The following SRRT variants were observed in gnomAD, a reference collection of about 807,000 sequenced individuals.
The protein encoded by SRRT is serrate RNA effector molecule homolog.
Under a neutral mutation model 103.2 loss-of-function variants are expected in SRRT, and 32 were observed. The ratio of observed to expected loss-of-function variants is 0.31; its 90% CI spans 0.23 to 0.42. The LOEUF (loss-of-function observed/expected upper bound fraction) is 0.42, where lower values mean the gene tolerates loss of function less well. SRRT is among the 10% of genes least tolerant of loss of function. SRRT has a pLI of 1.00. For synonymous variants in SRRT, 525 were observed against 449.0 expected (o/e 1.17, Z -2.14); for missense variants, 986 against 1,207.5 (o/e 0.82, Z 2.72).
At position 100,887,244 on chromosome 7, in the gene SRRT, G is replaced by A; in HGVS notation, c.1975+44G>A. On this transcript the variant is annotated intron_variant, in intron 15 of 19. Coordinates refer to ENST00000611405, the MANE Select transcript of SRRT (RefSeq NM_015908.6). This position sits in a 1 kb window ranked among gnomAD's most constrained non-coding sequence, Gnocchi z 4.1. ...TTTGTTCCCGGCTGCCCCTGGCCTT[G>A]GTCCTCCAGCCCCTTGCCACCATCC... 1 of 1,612,726 alleles carries A rather than the reference G, an allele frequency of 6.2e-7. No individual in the cohort carries two copies. Among genetic ancestry groups the A allele is most frequent in the South Asian group, 1.1e-5 (1 of 91,010 alleles).
At position 100,884,485 on chromosome 7, in the gene SRRT, G is replaced by A; in HGVS notation, c.875G>A (p.Gly292Glu). 6 of 1,613,916 alleles carry A rather than the reference G, an allele frequency of 3.7e-6. No homozygotes were observed. Among genetic ancestry groups the A allele is most frequent in the Non-Finnish European group, 5.1e-6 (6 of 1,179,954 alleles). Residue 292 changes from glycine (G) to glutamate (E), a missense_variant, in exon 7 of 20, where the codon GGA (glycine) becomes GAA (glutamate). Around this residue, in one of 6 missense-constraint regions of SRRT, gnomAD observed 166 missense variants for 148.6 expected, o/e 1.12. Coordinates refer to ENST00000611405, the MANE Select transcript of SRRT (RefSeq NM_015908.6). ...AGCAAGAAAGAAGAAGGACGGGCTG[G>A]AGCAGGCCTAGGGGACGGGGAGCGC... is the stretch of plus-strand genomic sequence containing the variant. ...EPSKKEEGRA[G>E]AGLGDGERKT...
rs746673735 is a variant in SRRT, at chr7:100,884,940, C to T, written c.1059C>T (p.Asn353=). The change falls in exon 9 of 20, where the codon AAC becomes AAT. Residue 353 remains asparagine, a synonymous_variant. Transcript: ENST00000611405. ...TCACACAGAGTAGCAAGAAGCGGAA[C>T]CGGAAGCACAGTGGTGACGACAGCT... The part of the protein sequence containing the change: ...KEAKKSSKKR[N]RKHSGDDSFD... The T allele has an allele frequency of 1.9e-6, 3 of 1,613,942 alleles. No homozygotes were observed. Among genetic ancestry groups the T allele is most frequent in the Admixed American group, 3.3e-5 (2 of 59,988 alleles).
chr7:100,876,053 A>T (rs1440628269), intron 2 of SRRT: 1 of 245,648 alleles, frequency 4.1e-6, no homozygotes, highest in Non-Finnish European at 8.4e-6. Flanking sequence ...ATGCAGTCGT[A>T]GCAGCCTCCA....
At chr7:100,877,189 G>T (rs572947689) in intron 2 of SRRT, among the ~76,000 whole-genome samples, 1 of 151,482 alleles carries the variant, frequency 6.6e-6, no homozygotes, top group East Asian at 2.0e-4. Flanking sequence ...TTGGGAGGCC[G>T]AGACGGGCAG....
At chr7:100,884,308 G>C (rs183733865) in intron 6 of SRRT, 60 bp from the exon 7 acceptor site, 514 of 1,613,188 alleles carry the variant, frequency 3.2e-4, no homozygotes, top group Admixed American at 5.0e-4. Flanking sequence ...GGATCAGGTA[G>C]AAGCCGGTTG....
In SRRT at chr7:100,875,305, T is replaced by TC; in HGVS notation, c.-40dup. ...GAAATCTAGCCCGTCCGAGCGCGAG[T>TC]CCAACGGCCGCGGCCGCACCAAGGT... is the stretch of plus-strand genomic sequence containing the variant. On this transcript the variant is annotated 5_prime_UTR_variant, in exon 1 of 20. Transcript: ENST00000611405. 1 of 1,077,886 alleles carries TC rather than the reference T, an allele frequency of 9.3e-7. No homozygotes were observed. The highest frequency in any genetic ancestry group is 1.2e-6 in the Non-Finnish European group (1 of 844,880). The allele number at this position is 1,077,886 out of a possible 1,614,324, so 66.8% of individuals were successfully genotyped here.
chr7:100,881,633 T>G (rs1422084030), intron 3 of SRRT, 26 bp from the exon 4 acceptor site: 2 of 1,613,722 alleles, frequency 1.2e-6, no homozygotes, highest in South Asian at 1.1e-5. Flanking sequence ...CCTTCTCTGC[T>G]TTACTTTTGT....
Position 100,886,835 on chromosome 7 carries a change from A to ACTAC in SRRT, c.1691_1694dup (p.Ile566ProfsTer22). 1 of 1,614,132 alleles carries ACTAC rather than the reference A, an allele frequency of 6.2e-7. No individual in the cohort carries two copies. Reference sequence around the variant, plus strand: ...AACCCGATCTTGAAGAATATCACCGACTACCTGATCGAGGAAGTAAGCGCC... The same window carrying ACTAC: ...AACCCGATCTTGAAGAATATCACCGACTACCTACCTGATCGAGGAAGTAAGCGCC... On this transcript the variant is annotated frameshift_variant, in exon 14 of 20. Coordinates refer to ENST00000611405, the MANE Select transcript of SRRT (RefSeq NM_015908.6). LOFTEE classifies it high-confidence loss of function.
chr7:100,878,390 C>G (rs192081291), intron 2 of SRRT, among the ~76,000 whole-genome samples: 10 of 151,972 alleles, frequency 6.6e-5, no homozygotes, highest in Non-Finnish European at 1.0e-4. Context: ...TAAAGACTTT[C>G]TTGGTGAGAT....
At chr7:100,880,818 C>T (rs1430744364) in intron 2 of SRRT, 4 of 316,684 alleles carry the variant, frequency 1.3e-5, no homozygotes, top group Non-Finnish European at 2.6e-5. Flanking sequence ...GGAGCACAGG[C>T]GGAAGGCCAG....
At position 100,885,971 on chromosome 7, in the gene SRRT, GAGGA is replaced by G. The variant is rs1563022570; in HGVS notation, c.1458+34_1458+37del. 3.7e-6 allele frequency: 6 copies of G among 1,609,510 alleles called. No individual in the cohort carries two copies. The highest frequency in any genetic ancestry group is 5.1e-6 in the Non-Finnish European group (6 of 1,176,570). Reference sequence around the variant, plus strand: ...GTGCTGGGGGTGGGACTGTGGGGAAGAGGAAGGGAGACTCTGTGCCACACGGGAC... The same window carrying G: ...GTGCTGGGGGTGGGACTGTGGGGAAGAGGGAGACTCTGTGCCACACGGGAC... On this transcript the variant is annotated intron_variant, in intron 12 of 19. Transcript: ENST00000611405. This position sits in a 1 kb window ranked among gnomAD's most constrained non-coding sequence, Gnocchi z 4.8.
rs1394664595 is a variant in SRRT, at chr7:100,884,004, C to T, written c.588-66C>T. Reference sequence around the variant, plus strand: ...GATATGCCCTGTCTTTCCTGGGCCCCTTCCCACATCCTGGCCTTGGCTTCC... The same window carrying T: ...GATATGCCCTGTCTTTCCTGGGCCCTTTCCCACATCCTGGCCTTGGCTTCC... On this transcript the variant is annotated intron_variant, in intron 5 of 19. Transcript: ENST00000611405. 6.0e-6 allele frequency: 9 copies of T among 1,511,634 alleles called. No homozygotes were observed. The East Asian group carries it at 1.1e-4, about 19-fold the overall frequency. 93.6% of individuals were successfully genotyped at this position (1,511,634 alleles called of 1,614,324 possible). A position where few individuals can be genotyped will look rare whatever the true frequency, so the allele number is the denominator to read the frequency against.
At position 100,875,650 on chromosome 7, in the gene SRRT, C is replaced by T. The variant is rs1815608868; in HGVS notation, c.60C>T (p.Arg20=). The change falls in exon 2 of 20, where the codon CGC becomes CGT. Residue 20 remains arginine (R), a synonymous_variant. Transcript: ENST00000611405. ...GCAGGGACAAGTTCAGAAGAGAGCG[C>T]AGCGACTACGACCGTTCCCGCGAGA... ...RRRRDKFRRE[R]SDYDRSRERD... The T allele has an allele frequency of 6.2e-7, 1 of 1,614,152 alleles. No homozygotes were observed. Among genetic ancestry groups the T allele is most frequent in the Non-Finnish European group, 8.5e-7 (1 of 1,179,998 alleles).
rs906064836 is a variant in SRRT, at chr7:100,887,762, G to A, written c.2229G>A (p.Val743=). Residue 743 remains valine (V), a synonymous_variant, in exon 17 of 20, where the codon GTG becomes GTA. Coordinates refer to ENST00000611405, the MANE Select transcript of SRRT (RefSeq NM_015908.6). The surrounding 1 kb of genome is among the most constrained non-coding windows in gnomAD (Gnocchi z 4.1). ...FNKHAEKIEE[V]KKEVAFFNNF... Reference sequence around the variant, plus strand: ...AGCATGCAGAGAAAATTGAGGAAGTGAAAAAGGAAGTCGCGTTTTTTAACA... The same window carrying A: ...AGCATGCAGAGAAAATTGAGGAAGTAAAAAAGGAAGTCGCGTTTTTTAACA... The A allele has an allele frequency of 3.7e-6, 6 of 1,613,494 alleles. No individual in the cohort carries two copies. In the African/African-American group the frequency reaches 5.3e-5, roughly 14 times the overall value.
chr7:100,882,470 C>T lies in SRRT; in HGVS notation c.587+229C>T. 2 of 483,558 alleles carry T rather than the reference C, an allele frequency of 4.1e-6. No individual in the cohort carries two copies. Among genetic ancestry groups the T allele is most frequent in the Non-Finnish European group, 7.4e-6 (2 of 271,094 alleles). The allele number at this position is 483,558 out of a possible 1,614,324, so 30.0% of individuals were successfully genotyped here. Reference sequence around the variant, plus strand: ...CTGCTGTCCTCAGAGAGTGGGACACCTCCAGGCAGCAGGCCAGAGCCACTT... The same window carrying T: ...CTGCTGTCCTCAGAGAGTGGGACACTTCCAGGCAGCAGGCCAGAGCCACTT... On this transcript the variant is annotated intron_variant, in intron 5 of 19. Transcript: ENST00000611405. The surrounding 1 kb of genome is among the most constrained non-coding windows in gnomAD (Gnocchi z 4.2).
chr7:100,885,370 C>T lies in SRRT; in HGVS notation c.1317C>T (p.Ser439=), dbSNP rs763003304. The stretch of plus-strand genomic sequence containing the variant: ...ACATCTCCCGGGCCGAGATCATCTC[C>T]GTGAGTGGGGACCCGTGGAGTCAGG... ...APNISRAEII[S]LCKRYPGFMR... is the part of the protein sequence containing the mutation. The change falls in exon 10 of 20, where the codon TCC becomes TCT. Residue 439 remains serine (S), a splice_region_variant and synonymous_variant. Transcript: ENST00000611405. This position sits in a 1 kb window ranked among gnomAD's most constrained non-coding sequence, Gnocchi z 4.8. 4.5e-5 allele frequency: 72 copies of T among 1,612,552 alleles called. No homozygotes were observed. The highest frequency in any genetic ancestry group is 1.7e-4 in the Admixed American group (10 of 59,928).
chr7:100,881,717 G>T lies in SRRT; in HGVS notation c.310G>T (p.Gly104Cys), dbSNP rs1316236651. 4 of 1,614,094 alleles carry T rather than the reference G, an allele frequency of 2.5e-6. No individual in the cohort carries two copies. The highest frequency in any genetic ancestry group is 2.5e-6 in the Non-Finnish European group (3 of 1,180,024). The change falls in exon 4 of 20, where the codon GGT becomes TGT. Residue 104 changes from glycine to cysteine, a missense_variant. Physicochemically the swap from Gly to Cys is radical, Grantham distance 159. Transcript: ENST00000611405. Reference sequence around the variant, plus strand: ...CTATGAGATGCCCTATGCTGGGGGGGGTGGGGGCCCAACTTATGGCCCCCC... The same window carrying T: ...CTATGAGATGCCCTATGCTGGGGGGTGTGGGGGCCCAACTTATGGCCCCCC... ...SGYEMPYAGG[G>C]GGPTYGPPQP...
At position 100,886,434 on chromosome 7, in the gene SRRT, C is replaced by T. The variant is rs765793877; in HGVS notation, c.1646C>T (p.Thr549Met). Residue 549 changes from threonine to methionine, a missense_variant and splice_region_variant, in exon 13 of 20, where the codon ACG becomes ATG. Coordinates refer to ENST00000611405, the MANE Select transcript of SRRT (RefSeq NM_015908.6). Reference sequence around the variant, plus strand: ...GAACCAGGGACGCCTCCCCTGCCCACGGTCAGTGACTCCCCAAAGGACTTT... The same window carrying T: ...GAACCAGGGACGCCTCCCCTGCCCATGGTCAGTGACTCCCCAAAGGACTTT... ...ASEPGTPPLP[T>M]SLPSQNPILK... 71 of 1,609,560 alleles carry T rather than the reference C, an allele frequency of 4.4e-5. No homozygotes were observed. The highest frequency in any genetic ancestry group is 5.6e-5 in the Non-Finnish European group (66 of 1,178,492).
At chr7:100,878,738 A>G (rs925272497) in intron 2 of SRRT, among the ~76,000 whole-genome samples, 1 of 151,112 alleles carries the variant, frequency 6.6e-6, no homozygotes, top group Non-Finnish European at 1.5e-5. Context: ...TCTGTTGCCC[A>G]GGTTGGAGTG....
Sources: gnomAD v4.1 joint callset for allele counts (sites outside exome capture counted in the v4.1 genomes callset) on GRCh38, gnomAD v4.1.1 for gene constraint, gnomAD v4.1.1 regional missense constraint, Gnocchi (gnomAD v3.1) non-coding constraint, MANE v1.5 for transcripts, NCBI Gene and HGNC (gene_info 2026-07-23, HGNC 2026-07-21) for gene names.